The following SEZ6L variants were observed in gnomAD, a reference collection of about 807,000 sequenced individuals.
SEZ6L encodes seizure related 6 homolog like.
Under a neutral mutation model 106.2 loss-of-function variants are expected in SEZ6L, and 37 were observed. The ratio of observed to expected loss-of-function variants is 0.35; its 90% CI spans 0.27 to 0.46. The LOEUF (loss-of-function observed/expected upper bound fraction) is 0.46. Ranked by LOEUF, SEZ6L falls within the 20% of genes least tolerant of loss-of-function variation. The pLI, the probability that SEZ6L is intolerant of heterozygous loss-of-function variation, is 1.00. For synonymous variants in SEZ6L, 541 were observed against 570.4 expected, an observed-to-expected ratio of 0.95 and a Z score of 0.73; for missense variants, 1,172 against 1,332.8, an observed-to-expected ratio of 0.88 and a Z score of 1.88.
chr22:26,288,865 C>T (rs2081018335), intron 1 of SEZ6L, among the ~76,000 whole-genome samples: 1 of 152,162 alleles, frequency 6.6e-6, no homozygotes, highest in Non-Finnish European at 1.5e-5. Flanking sequence ...CTCATCCCCA[C>T]TTATAATTAA....
intron 1 of SEZ6L, among the ~76,000 whole-genome samples, chr22:26,246,572 GA>G (rs143157459): frequency 6.2e-5 from 9 of 144,180 alleles, no homozygotes; most frequent in East Asian, 4.0e-4. Context: ...ATGCCCAAAG[GA>G]AAAAAAAAAG....
chr22:26,313,604 G>GCA (rs1316369342), intron 8 of SEZ6L, among the ~76,000 whole-genome samples, 160 bp from the exon 9 acceptor site: 2 of 33,706 alleles, frequency 5.9e-5, no homozygotes, highest in Non-Finnish European at 1.2e-4. Context: ...ACACACACAC[G>GCA]CACACACACA....
At chr22:26,285,706 T>A (rs1490498957) in intron 1 of SEZ6L, among the ~76,000 whole-genome samples, 2 of 152,178 alleles carry the variant, frequency 1.3e-5, no homozygotes, top group Non-Finnish European at 2.9e-5. Context: ...CCAGCAAAAA[T>A]GATCCAGCCT....
At chr22:26,224,557 A>G (rs1047593977) in intron 1 of SEZ6L, among the ~76,000 whole-genome samples, 1 of 152,210 alleles carries the variant, frequency 6.6e-6, no homozygotes, top group Non-Finnish European at 1.5e-5. Flanking sequence ...CACTCTGGCC[A>G]CTAGACTTCA....
chr22:26,252,929 T>C (rs1297932489), intron 1 of SEZ6L, among the ~76,000 whole-genome samples: 3 of 152,230 alleles, frequency 2.0e-5, no homozygotes, highest in African/African-American at 7.2e-5. Context: ...TTCTTTTGGA[T>C]ATATGCCCAG....
At chr22:26,311,986 C>T (rs1201856717) in intron 8 of SEZ6L, 24 bp downstream of exon 8, 5 of 1,600,242 alleles carry the variant, frequency 3.1e-6, no homozygotes, top group African/African-American at 2.7e-5. Flanking sequence ...CAACGCTCTT[C>T]CCACGGCACC....
intron 1 of SEZ6L, among the ~76,000 whole-genome samples, chr22:26,246,868 G>A (rs2079369740): frequency 6.6e-6 from 1 of 152,178 alleles, no homozygotes; most frequent in South Asian, 2.1e-4. Flanking sequence ...ATCTTCTAAT[G>A]CATTTCCTTA....
At chr22:26,190,276 T>C (rs1940105097) in intron 1 of SEZ6L, among the ~76,000 whole-genome samples, 1 of 152,142 alleles carries the variant, frequency 6.6e-6, no homozygotes, top group East Asian at 1.9e-4. Context: ...GTCATATGTG[T>C]AAAGTTACAT....
intron 8 of SEZ6L, among the ~76,000 whole-genome samples, chr22:26,312,602 C>T (rs1224396047): frequency 6.6e-6 from 1 of 152,142 alleles, no homozygotes; most frequent in African/African-American, 2.4e-5. Context: ...CTGCCAGTTT[C>T]CCCATATTCT....
At chr22:26,205,080 T>C (rs1941207049) in intron 1 of SEZ6L, among the ~76,000 whole-genome samples, 1 of 152,220 alleles carries the variant, frequency 6.6e-6, no homozygotes, top group South Asian at 2.1e-4. Flanking sequence ...TCCTTTCCAT[T>C]GGTATAACTG....
chr22:26,228,367 C>T (rs780380996), intron 1 of SEZ6L, among the ~76,000 whole-genome samples: 6 of 152,092 alleles, frequency 3.9e-5, no homozygotes, highest in South Asian at 2.1e-4. Flanking sequence ...AGGTGAGGGG[C>T]GGAGTTAGGA....
At chr22:26,211,472 C>T (rs1353465583) in intron 1 of SEZ6L, among the ~76,000 whole-genome samples, 2 of 152,180 alleles carry the variant, frequency 1.3e-5, no homozygotes, top group Non-Finnish European at 2.9e-5. Context: ...CTCTGCCCAC[C>T]TGCCCACACT....
chr22:26,229,160 A>G (rs1465963593), intron 1 of SEZ6L, among the ~76,000 whole-genome samples: 1 of 152,060 alleles, frequency 6.6e-6, no homozygotes, highest in Non-Finnish European at 1.5e-5. Flanking sequence ...CCACACCTGG[A>G]TAATTTTTGT....
chr22:26,269,790 C>G (rs142356458), intron 1 of SEZ6L, among the ~76,000 whole-genome samples: 1 of 152,198 alleles, frequency 6.6e-6, no homozygotes, highest in African/African-American at 2.4e-5. Context: ...CCCTTCCACT[C>G]GGCTACAAGG....
rs200131802 is a variant in SEZ6L, at chr22:26,292,411, C to G, written c.100C>G (p.Leu34Val). Reference protein sequence around the residue: ...SPAAALERDALPEGDASPLGP... With the variant: ...SPAAALERDAVPEGDASPLGP... ...GTCTTTTCTCCTCTTCCAAGATGCTCTTCCCGAGGGAGATGCTAGCCCTTT... is the reference window on the plus strand; with the variant it reads ...GTCTTTTCTCCTCTTCCAAGATGCTGTTCCCGAGGGAGATGCTAGCCCTTT... Residue 34 changes from leucine (L) to valine (V), a missense_variant, in exon 2 of 17, where the codon CTT becomes GTT. Around this residue, in one of 4 missense-constraint regions of SEZ6L, gnomAD observed 494 missense variants for 445.8 expected, o/e 1.11. Coordinates refer to ENST00000248933, the MANE Select transcript of SEZ6L (RefSeq NM_021115.5). 1 of 1,610,636 alleles carries G rather than the reference C, an allele frequency of 6.2e-7. No individual in the cohort carries two copies.
chr22:26,301,371 C>T (rs1247506737), intron 5 of SEZ6L, among the ~76,000 whole-genome samples: 1 of 152,226 alleles, frequency 6.6e-6, no homozygotes, highest in East Asian at 1.9e-4. Flanking sequence ...GTGTGGTAGG[C>T]ATTGCACCTG....
chr22:26,295,699 A>T (rs1472758030), intron 3 of SEZ6L, among the ~76,000 whole-genome samples: 1 of 152,214 alleles, frequency 6.6e-6, no homozygotes. Context: ...TTTACCAGGC[A>T]CAGTAGAGTT....
At chr22:26,224,797 G>A (rs967293372) in intron 1 of SEZ6L, among the ~76,000 whole-genome samples, 1 of 152,146 alleles carries the variant, frequency 6.6e-6, no homozygotes, top group African/African-American at 2.4e-5. Context: ...TAAATAGTTA[G>A]GTAGATGTTG....
intron 10 of SEZ6L, among the ~76,000 whole-genome samples, chr22:26,342,412 G>A (rs574410661): frequency 3.3e-5 from 5 of 152,116 alleles, no homozygotes; most frequent in South Asian, 4.2e-4. Flanking sequence ...CATCTCGGCC[G>A]GGCGCAGTGG....
Sources: gnomAD v4.1 joint callset for allele counts (sites outside exome capture counted in the v4.1 genomes callset) on GRCh38, gnomAD v4.1.1 for gene constraint, gnomAD v4.1.1 regional missense constraint, MANE v1.5 for transcripts, NCBI Gene and HGNC (gene_info 2026-07-23, HGNC 2026-07-21) for gene names.